ZNF730: variants seen among roughly 807,000 people sequenced by gnomAD.
ZNF730 encodes the protein zinc finger protein 730.
A neutral mutation model predicts 12.6 loss-of-function variants in ZNF730; 12 were observed. The ratio of observed to expected loss-of-function variants is 0.95; its 90% CI spans 0.61 to 1.54. The LOEUF is 1.54. Ranked by LOEUF, ZNF730 falls within the 40% of genes most tolerant of loss-of-function variation. The pLI, the probability that ZNF730 is intolerant of heterozygous loss-of-function variation, is 0.00. For missense variants in ZNF730, 643 were observed against 583.5 expected (o/e 1.10, Z -1.05); for synonymous variants, 194 against 195.8 (o/e 0.99, Z 0.08).
chr19:23,127,166 C>T, intron 1 of ZNF730: 1 of 539,406 alleles, frequency 1.9e-6, no homozygotes, highest in African/African-American at 1.9e-5. Context: ...TGTTCATGCT[C>T]AAAGAAATTA....
chr19:23,112,682 C>T (rs1970472793), upstream of ZNF730, among the ~76,000 whole-genome samples: 2 of 151,538 alleles, frequency 1.3e-5, no homozygotes, highest in Admixed American at 1.3e-4. Flanking sequence ...GAAATCGCGC[C>T]ACTACCCTCC....
chr19:23,128,321 G>A, intron 1 of ZNF730: 2 of 619,572 alleles, frequency 3.2e-6, no homozygotes, highest in Non-Finnish European at 6.0e-6. Flanking sequence ...GATGAAGATG[G>A]TTACAGGAAA....
rs540177362 is a variant in ZNF730 at position 23,092,431 on chromosome 19, T to G, written c.-94+17044T>G. Among the ~76,000 whole-genome samples the G allele has an allele frequency of 1.3e-4, 20 of 151,032 alleles. 2 individuals are homozygous for G. In the South Asian group the frequency reaches 4.0e-3, roughly 30 times the overall value. ...TGAACATGGAGAAGCCCCATCTCTC[T>G]TAAAAAAATTAGCTGGGCATGGTGG... On this transcript the variant is annotated intron_variant, in intron 1 of 2. Coordinates refer to the ZNF730 transcript ENST00000593635.
chr19:23,133,607 G>A (rs1331610833), intron 1 of ZNF730, among the ~76,000 whole-genome samples: 2 of 152,164 alleles, frequency 1.3e-5, no homozygotes, highest in African/African-American at 4.8e-5. Flanking sequence ...CTCCCAAAGT[G>A]CTGGGATTAC....
chr19:23,092,950 G>C (rs190501811), intron 1 of ZNF730, among the ~76,000 whole-genome samples: 57 of 152,232 alleles, frequency 3.7e-4, no homozygotes, highest in Admixed American at 1.2e-3. Context: ...CTCATAGAAT[G>C]AGTTAGGGAG....
At chr19:23,114,305 C>CTTTTTTTTTTTTT (rs869304180), upstream of ZNF730, among the ~76,000 whole-genome samples, 17 of 103,514 alleles carry the variant, frequency 1.6e-4, 1 homozygote, top group Admixed American at 3.1e-4. Flanking sequence ...TTTTTCTTTT[C>CTTTTTTTTTTTTT]TTTTTTTTTT....
chr19:23,097,537 C>T (rs530724580), intron 1 of ZNF730, among the ~76,000 whole-genome samples: 3 of 152,282 alleles, frequency 2.0e-5, no homozygotes, highest in African/African-American at 7.2e-5. Context: ...TATTGCAGTG[C>T]CCAGCACCAA....
At chr19:23,080,916 G>A (rs77740186) in intron 1 of ZNF730, among the ~76,000 whole-genome samples, 6,503 of 148,358 alleles carry the variant, frequency 0.044, 200 homozygotes, top group East Asian at 0.12. Context: ...CACAATCTCG[G>A]TTTACTGCAA....
At chr19:23,134,640 G>A (rs1025174825) in intron 2 of ZNF730, among the ~76,000 whole-genome samples, 12 of 147,268 alleles carry the variant, frequency 8.1e-5, no homozygotes, top group Non-Finnish European at 1.4e-4. Flanking sequence ...GCCCCATCCA[G>A]GAGGTGAGGG....
At chr19:23,093,713 A>C (rs949702213) in intron 1 of ZNF730, among the ~76,000 whole-genome samples, 2 of 152,174 alleles carry the variant, frequency 1.3e-5, no homozygotes, top group Non-Finnish European at 1.5e-5. Context: ...CTCCCACCCC[A>C]GGGGTAGGGT....
intron 3 of ZNF730, among the ~76,000 whole-genome samples, chr19:23,136,759 G>A (rs1334590491): frequency 2.0e-5 from 3 of 149,020 alleles, no homozygotes; most frequent in Admixed American, 6.7e-5. Flanking sequence ...TTTCAGGATT[G>A]CTTTGGCTAT....
intron 1 of ZNF730, among the ~76,000 whole-genome samples, chr19:23,119,118 C>G (rs1970567980): frequency 6.6e-6 from 1 of 152,074 alleles, no homozygotes; most frequent in East Asian, 1.9e-4. Context: ...CATTCTTGCT[C>G]CAGTTTTCAA....
chr19:23,127,281 C>T lies in ZNF730; in HGVS notation c.4-6799C>T, dbSNP rs1268742307. Reference sequence around the variant, plus strand: ...TTTATTTTTCCTTGCACACTCAAATCTTGATTATATTCCAAGAAGACATGG... The same window carrying T: ...TTTATTTTTCCTTGCACACTCAAATTTTGATTATATTCCAAGAAGACATGG... On this transcript the variant is annotated intron_variant, in intron 1 of 3. Coordinates refer to ENST00000597761, the MANE Select transcript of ZNF730 (RefSeq NM_001277403.2). 1.2e-5 allele frequency: 8 copies of T among 668,150 alleles called. No individual in the cohort carries two copies. In the Admixed American group the frequency reaches 1.9e-4, roughly 16 times the overall value. The allele number at this position is 668,150 out of a possible 1,614,324, so 41.4% of individuals were successfully genotyped here. A position where few individuals can be genotyped will look rare whatever the true frequency, so the allele number is the denominator to read the frequency against.
chr19:23,105,964 C>A (rs1253667150), intron 1 of ZNF730, among the ~76,000 whole-genome samples: 1 of 151,984 alleles, frequency 6.6e-6, no homozygotes, highest in Non-Finnish European at 1.5e-5. Context: ...TTACATGATC[C>A]AATTATATGG....
chr19:23,126,858 G>T, intron 1 of ZNF730: 2 of 533,374 alleles, frequency 3.7e-6, no homozygotes, highest in South Asian at 1.5e-5. Context: ...TAGTGACCTA[G>T]ACCTTCAATA....
rs529400393 is a variant in ZNF730 at position 23,132,468 on chromosome 19, A to G, written c.4-1612A>G. Among the ~76,000 whole-genome samples, 89 of 151,948 alleles carry G rather than the reference A, an allele frequency of 5.9e-4. 1 individual carries two copies. The South Asian group carries it at 0.013, about 22-fold the overall frequency. The stretch of plus-strand genomic sequence containing the variant: ...GTAACTACGTTTTAAAATTCTTATA[A>G]TAGTCAAGGATCTCAGAGAAATATT... On this transcript the variant is annotated intron_variant, in intron 1 of 3. Coordinates refer to ENST00000597761, the MANE Select transcript of ZNF730 (RefSeq NM_001277403.2).
At chr19:23,137,128 C>T (rs1599599376) in intron 3 of ZNF730, among the ~76,000 whole-genome samples, 1 of 152,226 alleles carries the variant, frequency 6.6e-6, no homozygotes, top group Non-Finnish European at 1.5e-5. Context: ...CAAGACTGTG[C>T]CACTGCACTC....
chr19:23,126,832 C>G (rs986080950), intron 1 of ZNF730: 1 of 538,608 alleles, frequency 1.9e-6, no homozygotes, highest in African/African-American at 1.9e-5. Flanking sequence ...GCTATATTAG[C>G]ATTTTCATAA....
intron 1 of ZNF730, among the ~76,000 whole-genome samples, chr19:23,105,965 A>G (rs1002036500): frequency 1.3e-5 from 2 of 152,234 alleles, no homozygotes; most frequent in Non-Finnish European, 2.9e-5. Flanking sequence ...TACATGATCC[A>G]ATTATATGGC....
Sources: gnomAD v4.1 joint callset for allele counts (sites outside exome capture counted in the v4.1 genomes callset) on GRCh38, gnomAD v4.1.1 for gene constraint, MANE v1.5 for transcripts, NCBI Gene and HGNC (gene_info 2026-07-23, HGNC 2026-07-21) for gene names.